Variants in SYNE2 observed in about 807,000 individuals in gnomAD.
The protein encoded by SYNE2 is spectrin repeat containing nuclear envelope protein 2.
A neutral mutation model predicts 856.3 loss-of-function variants in SYNE2; 431 were observed. The observed-to-expected ratio is 0.50, with a 90% confidence interval of 0.47 to 0.55. The LOEUF is 0.55. Ranked by LOEUF, SYNE2 falls within the 20% of genes least tolerant of loss-of-function variation. The probability of loss-of-function intolerance (pLI) is 0.00; values close to 1 mark genes in which losing one functional copy is unlikely to be tolerated. For synonymous variants in SYNE2, 2,923 were observed against 2,872.3 expected, an observed-to-expected ratio of 1.02 and a Z score of -0.56; for missense variants, 8,129 against 8,023.2, an observed-to-expected ratio of 1.01 and a Z score of -0.50.
chr14:63,889,757 T>C (rs2095083815), intron 1 of SYNE2, among the ~76,000 whole-genome samples: 2 of 152,024 alleles, frequency 1.3e-5, no homozygotes, highest in South Asian at 4.1e-4. Context: ...GGATTACGGA[T>C]GTGAGCCACT....
In SYNE2 at chr14:64,219,096, G is replaced by GTTTTTTTTTTTTTTTTTTTTTTTTTTTTT; in HGVS notation, c.19658-105_19658-104insTTTTTTTTTTTTTTTTTTTTTTTTTTTTT. 5 of 758,458 alleles carry GTTTTTTTTTTTTTTTTTTTTTTTTTTTTT rather than the reference G, an allele frequency of 6.6e-6. 1 individual carries two copies. Among genetic ancestry groups the GTTTTTTTTTTTTTTTTTTTTTTTTTTTTT allele is most frequent in the East Asian group, 3.8e-5 (1 of 26,140 alleles). The allele number at this position is 758,458 out of a possible 1,614,324, so 47.0% of individuals were successfully genotyped here. ...CCTTCTGTCAGGGGAATCCCCTACAGTTTTTTTGTTTTTTTTTTTTTTTTT... is the reference window on the plus strand; with the variant it reads ...CCTTCTGTCAGGGGAATCCCCTACAGTTTTTTTTTTTTTTTTTTTTTTTTTTTTTTTTTTTTGTTTTTTTTTTTTTTTTT... On this transcript the variant is annotated intron_variant, in intron 109 of 115. Coordinates refer to ENST00000555002, the MANE Select transcript of SYNE2 (RefSeq NM_182914.3).
chr14:63,980,754 C>T (rs1481932176), intron 15 of SYNE2, 22 bp downstream of exon 15: 2 of 1,456,536 alleles, frequency 1.4e-6, no homozygotes, highest in Non-Finnish European at 1.9e-6. Context: ...CAGTTACTTT[C>T]TGATGGAATG....
At chr14:63,837,917 T>TTAAA (rs1889912163) in intron 1 of SYNE2, among the ~76,000 whole-genome samples, 1 of 19,812 alleles carries the variant, frequency 5.0e-5, no homozygotes, top group Non-Finnish European at 1.2e-4. Context: ...AGACTCTGTT[T>TTAAA]CAAAAAAAAA....
At chr14:64,007,998 GA>G (rs200406909) in intron 31 of SYNE2, among the ~76,000 whole-genome samples, 1 of 150,312 alleles carries the variant, frequency 6.7e-6, no homozygotes, top group East Asian at 1.9e-4. Flanking sequence ...ACCCTGTCTC[GA>G]AAAAAAAAGA....
At chr14:63,815,097 TATATCCACAC>T (rs1458708996) in intron 1 of SYNE2, among the ~76,000 whole-genome samples, 1 of 138,376 alleles carries the variant, frequency 7.2e-6, no homozygotes, top group Non-Finnish European at 1.5e-5. Flanking sequence ...TATGCACATA[TATATCCACAC>T]ATATATCCAT....
At chr14:64,194,634 G>A (rs2098532861) in intron 99 of SYNE2, among the ~76,000 whole-genome samples, 1 of 152,134 alleles carries the variant, frequency 6.6e-6, no homozygotes, top group Non-Finnish European at 1.5e-5. Context: ...AAGTGACTCA[G>A]CAAAACTTCT....
chr14:63,997,117 T>G lies in SYNE2; in HGVS notation c.3111T>G (p.His1037Gln), dbSNP rs1186785818. The change falls in exon 24 of 116, where the codon CAT becomes CAG. Residue 1037 changes from histidine to glutamine, a missense_variant. This residue lies in a region of SYNE2 where 2,422 missense variants were observed against 2,357.4 expected (regional missense o/e 1.03). Coordinates refer to ENST00000555002, the MANE Select transcript of SYNE2 (RefSeq NM_182914.3). ...ERLLKCASEI[H>Q]MTLQPTAGGT... Reference sequence around the variant, plus strand: ...TTCTGAAATGTGCTTCCGAGATTCATATGACACTGCAGCCCACAGCGGGAG... The same window carrying G: ...TTCTGAAATGTGCTTCCGAGATTCAGATGACACTGCAGCCCACAGCGGGAG... 1 of 1,614,152 alleles carries G rather than the reference T, an allele frequency of 6.2e-7. No homozygotes were observed. The highest frequency in any genetic ancestry group is 1.1e-5 in the South Asian group (1 of 91,076).
intron 32 of SYNE2, among the ~76,000 whole-genome samples, chr14:64,013,546 G>A (rs1452182676): frequency 1.3e-5 from 2 of 152,112 alleles, no homozygotes; most frequent in South Asian, 2.1e-4. Flanking sequence ...TGCCCCCATT[G>A]TTTAGCTCCC....
chr14:63,801,908 G>T (rs949264280), intron 1 of SYNE2, among the ~76,000 whole-genome samples: 7 of 148,262 alleles, frequency 4.7e-5, no homozygotes, highest in East Asian at 2.0e-4. Flanking sequence ...TAGAAGAAAA[G>T]GATAATTCTA....
chr14:63,953,089 C>A (rs575816035), intron 7 of SYNE2, among the ~76,000 whole-genome samples: 8 of 152,102 alleles, frequency 5.3e-5, no homozygotes, highest in Non-Finnish European at 8.8e-5. Flanking sequence ...CAGTGGTGAA[C>A]AAGAAGGGCA....
rs11334415 is a variant in SYNE2 at position 63,827,625 on chromosome 14, C to CAAAAAAAAAAAAAAAAAAAAAAAAAAAA, written c.-304-24872_-304-24845dup. Among the ~76,000 whole-genome samples, 133 of 28,396 alleles carry CAAAAAAAAAAAAAAAAAAAAAAAAAAAA rather than the reference C, an allele frequency of 4.7e-3. 1 individual carries two copies. The highest frequency in any genetic ancestry group is 6.1e-3 in the East Asian group (3 of 494). 18.6% of individuals were successfully genotyped at this position (28,396 alleles called of 152,430 possible). A position where few individuals can be genotyped will look rare whatever the true frequency, so the allele number is the denominator to read the frequency against. On this transcript the variant is annotated intron_variant, in intron 1 of 23. Transcript: ENST00000674003. ...GGGCAACAAGATTGAAACTCTGTCT[C>CAAAAAAAAAAAAAAAAAAAAAAAAAAAA]AAAAAAAAAAAAAAAAAAAAAAAAA... is the stretch of plus-strand genomic sequence containing the variant.
In SYNE2 at chr14:64,159,443, G is replaced by A. The variant is rs1296966896; in HGVS notation, c.16094+1G>A. 1 of 1,613,280 alleles carries A rather than the reference G, an allele frequency of 6.2e-7. No individual in the cohort carries two copies. Among genetic ancestry groups the A allele is most frequent in the Non-Finnish European group, 8.5e-7 (1 of 1,179,634 alleles). On this transcript the variant is annotated splice_donor_variant, in intron 87 of 115. Transcript: ENST00000555002. LOFTEE classifies it high-confidence loss of function. ...AGAAATGCCAAAATACTCATAAAAG[G>A]TATGCTTTCAGATATAATTTGAATG...
intron 45 of SYNE2, among the ~76,000 whole-genome samples, chr14:64,038,808 G>C (rs1033120051): frequency 1.3e-5 from 2 of 152,198 alleles, no homozygotes; most frequent in African/African-American, 2.4e-5. Context: ...GTCCAGCTTC[G>C]GCTCGGCATC....
chr14:63,996,860 C>T, intron 23 of SYNE2, 87 bp from the exon 24 acceptor site: 1 of 1,274,098 alleles, frequency 7.8e-7, no homozygotes, highest in East Asian at 2.4e-5. Flanking sequence ...ATTGTTAAAA[C>T]TACACACATC....
intron 6 of SYNE2, among the ~76,000 whole-genome samples, chr14:63,945,071 T>C (rs77219674): frequency 0.018 from 2,725 of 149,638 alleles, 37 homozygotes; most frequent in Middle Eastern, 0.056. Context: ...TCCCAAAATA[T>C]TGGGTTTATA....
intron 25 of SYNE2, among the ~76,000 whole-genome samples, chr14:63,997,869 C>T (rs1041164984): frequency 6.6e-6 from 1 of 152,174 alleles, no homozygotes; most frequent in Admixed American, 6.5e-5. Flanking sequence ...GACTGTCAAT[C>T]AGATCATGTG....
At chr14:63,891,480 C>T (rs1277371394) in intron 1 of SYNE2, among the ~76,000 whole-genome samples, 2 of 151,954 alleles carry the variant, frequency 1.3e-5, no homozygotes, top group African/African-American at 4.8e-5. Flanking sequence ...AGAGACATCC[C>T]CCTTTTCCTG....
chr14:64,118,562 A>C (rs911490410), intron 66 of SYNE2, among the ~76,000 whole-genome samples: 1 of 152,210 alleles, frequency 6.6e-6, no homozygotes, highest in Non-Finnish European at 1.5e-5. Context: ...GGATTGCAAC[A>C]TAAAAGATTA....
At position 63,993,818 on chromosome 14, in the gene SYNE2, A is replaced by ATTT. The variant is rs397726340; in HGVS notation, c.2647-5_2647-3dup. 471 of 1,429,256 alleles carry ATTT rather than the reference A, an allele frequency of 3.3e-4. No homozygotes were observed. The highest frequency in any genetic ancestry group is 1.5e-3 in the Middle Eastern group (7 of 4,794). 88.5% of individuals were successfully genotyped at this position (1,429,256 alleles called of 1,614,324 possible). A position where few individuals can be genotyped will look rare whatever the true frequency, so the allele number is the denominator to read the frequency against. On this transcript the variant is annotated splice_polypyrimidine_tract_variant and intron_variant, in intron 21 of 115. Transcript: ENST00000555002. ...TGAGGCTTTTATGATTTTGTTTGCA[A>ATTT]TTTTTTTTTTTTTTAGGAAGCACTA... is the stretch of plus-strand genomic sequence containing the variant.
Sources: allele counts gnomAD v4.1 joint callset (sites outside exome capture counted in the v4.1 genomes callset), GRCh38; gene constraint gnomAD v4.1.1; regional missense constraint gnomAD v4.1.1; transcripts MANE v1.5; gene names NCBI Gene and HGNC (gene_info 2026-07-23, HGNC 2026-07-21).